Variants in GRIN2B observed in about 807,000 individuals in gnomAD.
GRIN2B encodes the protein glutamate receptor ionotropic, NMDA 2B.
In GRIN2B, 5 loss-of-function variants were observed where a neutral mutation model predicts 114.5. That is an observed-to-expected ratio of 0.04 (90% CI 0.02 to 0.09). The LOEUF (loss-of-function observed/expected upper bound fraction) is 0.09. Among genes scored for constraint, GRIN2B ranks in the 10% least tolerant of loss-of-function variants. GRIN2B has a pLI of 1.00. For missense variants in GRIN2B, 1,108 were observed against 1,943.5 expected (o/e 0.57, Z 8.08); for synonymous variants, 787 against 745.1 (o/e 1.06, Z -0.92).
intron 2 of GRIN2B, among the ~76,000 whole-genome samples, chr12:13,935,333 C>T (rs1037452054): frequency 2.0e-5 from 3 of 152,194 alleles, no homozygotes; most frequent in Admixed American, 6.5e-5. Context: ...CAGAACATAA[C>T]ATGACCACAC....
intron 2 of GRIN2B, among the ~76,000 whole-genome samples, chr12:13,960,342 T>C (rs1314400476): frequency 6.6e-6 from 1 of 152,224 alleles, no homozygotes; most frequent in Non-Finnish European, 1.5e-5. Context: ...TTCTCCATTA[T>C]TCCCAAATAA....
At chr12:13,934,621 C>G (rs1415707406) in intron 2 of GRIN2B, among the ~76,000 whole-genome samples, 1 of 152,232 alleles carries the variant, frequency 6.6e-6, no homozygotes, top group Non-Finnish European at 1.5e-5. Flanking sequence ...CCACAGGCTA[C>G]CAAGTGGGTG....
intron 5 of GRIN2B, among the ~76,000 whole-genome samples, chr12:13,673,396 G>A (rs746155180): frequency 6.6e-6 from 1 of 152,054 alleles, no homozygotes; most frequent in Non-Finnish European, 1.5e-5. Context: ...TGCAAGAACA[G>A]ATCAAGTCTA....
intron 10 of GRIN2B, among the ~76,000 whole-genome samples, chr12:13,600,903 C>A (rs1344531928): frequency 6.6e-6 from 1 of 152,116 alleles, no homozygotes; most frequent in Non-Finnish European, 1.5e-5. Context: ...TATTGTCTCC[C>A]TAAAATTAAC....
At chr12:13,640,625 T>A (rs1410513448) in intron 5 of GRIN2B, among the ~76,000 whole-genome samples, 3 of 152,220 alleles carry the variant, frequency 2.0e-5, no homozygotes, top group African/African-American at 7.2e-5. Flanking sequence ...GAATGTTGCA[T>A]GTTGACAAAA....
In GRIN2B at chr12:13,539,432, A is replaced by G. The variant is rs1204370426; in HGVS notation, c.*23351T>C. ...GTCTATGCTATTTTCTTACCAAGAT[A>G]GCTAAGGGGGAGATACTATTATTTA... is the stretch of plus-strand genomic sequence containing the variant. On this transcript the variant is annotated 3_prime_UTR_variant, in exon 14 of 14. Coordinates refer to ENST00000609686, the MANE Select transcript of GRIN2B (RefSeq NM_000834.5). 1 of 152,252 alleles carries G rather than the reference A, an allele frequency of 6.6e-6. No homozygotes were observed. The highest frequency in any genetic ancestry group is 2.4e-5 in the African/African-American group (1 of 41,468). The allele number at this position is 152,252 out of a possible 1,614,324, so 9.4% of individuals were successfully genotyped here. A position where few individuals can be genotyped will look rare whatever the true frequency, so the allele number is the denominator to read the frequency against.
Position 13,556,879 on chromosome 12 carries a change from T to TCTAA in GRIN2B, c.*5900_*5903dup, listed in dbSNP as rs1375423313. The TCTAA allele has an allele frequency of 5.3e-5, 8 of 152,160 alleles. 1 individual carries two copies. The highest frequency in any genetic ancestry group is 1.9e-4 in the East Asian group (1 of 5,194). 9.4% of individuals were successfully genotyped at this position (152,160 alleles called of 1,614,324 possible). On this transcript the variant is annotated 3_prime_UTR_variant, in exon 14 of 14. Coordinates refer to ENST00000609686, the MANE Select transcript of GRIN2B (RefSeq NM_000834.5). ...GATGTAGAGAGAAATGTGGAAGATT[T>TCTAA]CTAACTTTCCCTACTTATTCCCAGT...
At chr12:13,618,986 G>GAA (rs3081920) in intron 5 of GRIN2B, among the ~76,000 whole-genome samples, 115,205 of 151,370 alleles carry the variant, frequency 0.76, 44,835 homozygotes, top group East Asian at 0.99. Flanking sequence ...ACCCAAAAAG[G>GAA]AAAAAAAAGA....
At chr12:13,850,175 G>A (rs1290419511) in intron 3 of GRIN2B, among the ~76,000 whole-genome samples, 1 of 152,116 alleles carries the variant, frequency 6.6e-6, no homozygotes, top group Non-Finnish European at 1.5e-5. Context: ...GAAGTAAGAA[G>A]GAAAAGATTG....
chr12:13,628,347 A>C (rs1949589126), intron 5 of GRIN2B, among the ~76,000 whole-genome samples: 1 of 152,196 alleles, frequency 6.6e-6, no homozygotes, highest in African/African-American at 2.4e-5. Flanking sequence ...TCTTCAAACA[A>C]GGCTTACTGG....
chr12:13,640,192 A>G (rs1187281786), intron 5 of GRIN2B, among the ~76,000 whole-genome samples: 1 of 152,146 alleles, frequency 6.6e-6, no homozygotes, highest in Non-Finnish European at 1.5e-5. Context: ...TTGAGGCTGC[A>G]GTGAGCTATG....
chr12:13,657,586 G>T (rs1271410797), intron 5 of GRIN2B, among the ~76,000 whole-genome samples: 1 of 152,172 alleles, frequency 6.6e-6, no homozygotes, highest in East Asian at 1.9e-4. Context: ...AGAAGGCAAA[G>T]CCAACAAATG....
intron 4 of GRIN2B, among the ~76,000 whole-genome samples, chr12:13,684,917 C>A (rs1950163995): frequency 6.6e-6 from 1 of 152,126 alleles, no homozygotes; most frequent in African/African-American, 2.4e-5. Context: ...TTTTAGCTCA[C>A]AGGCTGGAAA....
intron 10 of GRIN2B, among the ~76,000 whole-genome samples, chr12:13,575,136 TAG>T (rs1948757747): frequency 6.6e-6 from 1 of 152,200 alleles, no homozygotes; most frequent in African/African-American, 2.4e-5. Context: ...AATCTTGAGT[TAG>T]ACAGAGATTT....
intron 10 of GRIN2B, among the ~76,000 whole-genome samples, chr12:13,573,234 G>A (rs961310729): frequency 4.0e-5 from 6 of 149,384 alleles, no homozygotes; most frequent in South Asian, 4.2e-4. Context: ...GGCGGATCAC[G>A]AGGTCAGGAG....
chr12:13,611,839 C>T lies in GRIN2B; in HGVS notation c.1666G>A (p.Ala556Thr). 1 of 1,613,596 alleles carries T rather than the reference C, an allele frequency of 6.2e-7. No individual in the cohort carries two copies. The highest frequency in any genetic ancestry group is 8.5e-7 in the Non-Finnish European group (1 of 1,179,562). Reference protein sequence around the residue: ...SPSAFLEPFSADVWVMMFVML... With the variant: ...SPSAFLEPFSTDVWVMMFVML... ...ACAAACATCATCACCCATACGTCAG[C>T]GCTGAATGGCTCTGAGGAAGGGAAA... The change falls in exon 9 of 14, where the codon GCT (alanine) becomes ACT (threonine). Residue 556 changes from alanine (A) to threonine (T), a missense_variant. Around this residue, in one of 19 missense-constraint regions of GRIN2B, gnomAD observed 8 missense variants for 111.7 expected, o/e 0.07. Transcript: ENST00000609686.
At chr12:13,746,002 G>A (rs1002443944) in intron 4 of GRIN2B, among the ~76,000 whole-genome samples, 27 of 152,264 alleles carry the variant, frequency 1.8e-4, no homozygotes, top group Non-Finnish European at 3.2e-4. Context: ...CATTGAGCAT[G>A]AATTCTGCTG....
chr12:13,756,174 C>T (rs538772954), intron 3 of GRIN2B, among the ~76,000 whole-genome samples: 5 of 152,206 alleles, frequency 3.3e-5, no homozygotes, highest in South Asian at 4.1e-4. Flanking sequence ...CACCACCATG[C>T]CAGGCTAATT....
At chr12:13,766,928 G>A (rs1398019531) in intron 3 of GRIN2B, among the ~76,000 whole-genome samples, 1 of 152,070 alleles carries the variant, frequency 6.6e-6, no homozygotes, top group Admixed American at 6.5e-5. Context: ...AGATGATGTG[G>A]GCTTTCAAAT....
Sources: gnomAD v4.1 joint callset for allele counts (sites outside exome capture counted in the v4.1 genomes callset) on GRCh38, gnomAD v4.1.1 for gene constraint, gnomAD v4.1.1 regional missense constraint, MANE v1.5 for transcripts, NCBI Gene and HGNC (gene_info 2026-07-23, HGNC 2026-07-21) for gene names.